KIAA1671: variants seen among roughly 807,000 people sequenced by gnomAD.
The protein encoded by KIAA1671 is uncharacterized protein KIAA1671.
Under a neutral mutation model 131.2 loss-of-function variants are expected in KIAA1671, and 52 were observed. That is an observed-to-expected ratio of 0.40 (90% CI 0.32 to 0.50). KIAA1671 has a LOEUF of 0.50. KIAA1671 is among the 20% of genes least tolerant of loss of function. The pLI is 0.73. For missense variants in KIAA1671, 2,360 were observed against 2,364.2 expected (o/e 1.00, Z 0.04); for synonymous variants, 1,003 against 961.6 (o/e 1.04, Z -0.80).
chr22:24,982,339 T>G (rs534353648), intron 1 of KIAA1671, among the ~76,000 whole-genome samples: 6 of 152,358 alleles, frequency 3.9e-5, no homozygotes, highest in African/African-American at 1.2e-4. Flanking sequence ...GTGGCCTTAC[T>G]CTCTCTTTGC....
At chr22:25,093,737 A>ACACACTCT (rs1568950992) in intron 6 of KIAA1671, among the ~76,000 whole-genome samples, 8 of 30,130 alleles carry the variant, frequency 2.7e-4, no homozygotes, top group East Asian at 1.5e-3. Context: ...ACACACACAC[A>ACACACTCT]CTCTCTCTCT....
At chr22:24,964,132 C>G (rs535493264) in intron 1 of KIAA1671, among the ~76,000 whole-genome samples, 6 of 152,002 alleles carry the variant, frequency 3.9e-5, no homozygotes, top group Non-Finnish European at 8.8e-5. Flanking sequence ...ATTTTGAGAC[C>G]AGCCTGGCCA....
chr22:24,958,329 G>A (rs1921827434), intron 1 of KIAA1671, among the ~76,000 whole-genome samples: 1 of 152,058 alleles, frequency 6.6e-6, no homozygotes, highest in Non-Finnish European at 1.5e-5. Flanking sequence ...AGACCAGCCT[G>A]GGCAACATAG....
intron 1 of KIAA1671, among the ~76,000 whole-genome samples, chr22:25,005,516 G>A (rs80040835): frequency 0.038 from 5,740 of 152,152 alleles, 134 homozygotes; most frequent in African/African-American, 0.06. Context: ...TGTTGCACTC[G>A]GCAGTCTAAA....
chr22:25,038,956 C>T lies in KIAA1671; in HGVS notation c.1826C>T (p.Thr609Ile), dbSNP rs1484817302. The T allele has an allele frequency of 4.5e-6, 7 of 1,551,672 alleles. No homozygotes were observed. Among genetic ancestry groups the T allele is most frequent in the African/African-American group, 1.4e-5 (1 of 73,056 alleles). The change falls in exon 5 of 13, where the codon ACT (threonine) becomes ATT (isoleucine). Residue 609 changes from threonine to isoleucine, a missense_variant. Around this residue, in one of 3 missense-constraint regions of KIAA1671, gnomAD observed 1,185 missense variants for 1,126.2 expected, o/e 1.05. Transcript: ENST00000358431. Reference sequence around the variant, plus strand: ...CCAGAGGATGACCGGAGCTTCCAGACTGTGTGGGCCACAGTATTTGAGCAC... The same window carrying T: ...CCAGAGGATGACCGGAGCTTCCAGATTGTGTGGGCCACAGTATTTGAGCAC... ...VTPEDDRSFQ[T>I]VWATVFEHHV...
At chr22:24,994,184 A>G (rs947491465) in intron 1 of KIAA1671, among the ~76,000 whole-genome samples, 3 of 152,132 alleles carry the variant, frequency 2.0e-5, no homozygotes, top group Non-Finnish European at 4.4e-5. Flanking sequence ...GTGTCTCCCC[A>G]CTGTGTCACG....
At chr22:24,981,087 TG>T (rs1194286467) in intron 1 of KIAA1671, among the ~76,000 whole-genome samples, 1 of 151,708 alleles carries the variant, frequency 6.6e-6, no homozygotes, top group Non-Finnish European at 1.5e-5. Flanking sequence ...TGTGTGTGTG[TG>T]TTTTTACTGT....
At chr22:25,084,587 A>G (rs1267365738) in intron 6 of KIAA1671, among the ~76,000 whole-genome samples, 2 of 149,302 alleles carry the variant, frequency 1.3e-5, no homozygotes, top group Admixed American at 6.7e-5. Flanking sequence ...GCCAGTTATC[A>G]GTTGCCATAA....
chr22:25,019,686 A>G (rs556800692), intron 1 of KIAA1671, among the ~76,000 whole-genome samples: 9,410 of 54,336 alleles, frequency 0.17, 1,015 homozygotes, highest in African/African-American at 0.43. Context: ...CTTGAATACA[A>G]AAAAAAAAAA....
rs560797833 is a variant in KIAA1671 at position 25,097,737 on chromosome 22, A to T, written c.4530+48373A>T. 3.4e-4 allele frequency among the ~76,000 whole-genome samples: 19 copies of T among 55,808 alleles called. No homozygotes were observed. The East Asian group carries it at 8.8e-3, about 26-fold the overall frequency. The allele number at this position is 55,808 out of a possible 152,430, so 36.6% of individuals were successfully genotyped here. A position where few individuals can be genotyped will look rare whatever the true frequency, so the allele number is the denominator to read the frequency against. Reference sequence around the variant, plus strand: ...CCTGGGCAACAGTGCGAGACTCCATAAAAAAAAAAAAATCGTAAAATAAAC... The same window carrying T: ...CCTGGGCAACAGTGCGAGACTCCATTAAAAAAAAAAAATCGTAAAATAAAC... On this transcript the variant is annotated intron_variant, in intron 6 of 12. Transcript: ENST00000358431.
chr22:25,179,428 C>A, intron 9 of KIAA1671: 2 of 1,613,220 alleles, frequency 1.2e-6, no homozygotes, highest in Non-Finnish European at 1.7e-6. Flanking sequence ...TTGCTGAGCT[C>A]CATTTGTAGT....
intron 7 of KIAA1671, among the ~76,000 whole-genome samples, chr22:25,171,235 A>C (rs1436922193): frequency 6.6e-6 from 1 of 151,932 alleles, no homozygotes; most frequent in Non-Finnish European, 1.5e-5. Flanking sequence ...CCCCGTCTCT[A>C]CTAAAATACA....
At chr22:24,963,978 C>G (rs1053095945) in intron 1 of KIAA1671, among the ~76,000 whole-genome samples, 1 of 151,186 alleles carries the variant, frequency 6.6e-6, no homozygotes, top group Non-Finnish European at 1.5e-5. Context: ...ATAACTGAGG[C>G]TGCCACTCAT....
At chr22:24,980,554 G>T (rs1171476642) in intron 1 of KIAA1671, among the ~76,000 whole-genome samples, 1 of 152,016 alleles carries the variant, frequency 6.6e-6, no homozygotes, top group Non-Finnish European at 1.5e-5. Context: ...ACAGGCATGA[G>T]CCACCGCACC....
rs762461585 is a variant in KIAA1671, at chr22:25,159,799, A to G, written c.4531-11021A>G. Among the ~76,000 whole-genome samples, 77 of 152,290 alleles carry G rather than the reference A, an allele frequency of 5.1e-4. 1 individual carries two copies. The highest frequency in any genetic ancestry group is 2.7e-3 in the Admixed American group (41 of 15,296). Reference sequence around the variant, plus strand: ...TAGCTCAGAACTGCTAACCTGTCCCACCTGCAATACATCAGAGCATCAGGA... The same window carrying G: ...TAGCTCAGAACTGCTAACCTGTCCCGCCTGCAATACATCAGAGCATCAGGA... On this transcript the variant is annotated intron_variant, in intron 6 of 12. Coordinates refer to ENST00000358431, the MANE Select transcript of KIAA1671 (RefSeq NM_001145206.2).
At chr22:25,061,805 G>C (rs1928175094) in intron 6 of KIAA1671, 1 of 152,194 alleles carries the variant, frequency 6.6e-6, no homozygotes, top group Admixed American at 6.6e-5. Flanking sequence ...CTGACTGAGT[G>C]GGGAGGGAGC....
At chr22:24,974,802 C>T (rs1282807148) in intron 1 of KIAA1671, among the ~76,000 whole-genome samples, 1 of 150,218 alleles carries the variant, frequency 6.7e-6, no homozygotes, top group Admixed American at 6.7e-5. Context: ...AAGCAATTCT[C>T]CTGTCTCAGC....
intron 6 of KIAA1671, among the ~76,000 whole-genome samples, chr22:25,097,422 G>A (rs1425509702): frequency 3.3e-5 from 5 of 152,206 alleles, no homozygotes; most frequent in Non-Finnish European, 7.3e-5. Context: ...TATGGCCTGT[G>A]AACCAAGAAG....
intron 1 of KIAA1671, among the ~76,000 whole-genome samples, chr22:24,977,268 G>C (rs920357163): frequency 6.6e-6 from 1 of 152,200 alleles, no homozygotes; most frequent in Non-Finnish European, 1.5e-5. Flanking sequence ...AACTGACAGC[G>C]CAATGGAGGC....
Sources: gnomAD v4.1 joint callset for allele counts (sites outside exome capture counted in the v4.1 genomes callset) on GRCh38, gnomAD v4.1.1 for gene constraint, gnomAD v4.1.1 regional missense constraint, MANE v1.5 for transcripts, NCBI Gene and HGNC (gene_info 2026-07-23, HGNC 2026-07-21) for gene names.